The following BZW2 variants were observed in gnomAD, a reference collection of about 807,000 sequenced individuals.
The protein encoded by BZW2 is basic leucine zipper and W2 domains 2.
In BZW2, 23 loss-of-function variants were observed where a neutral mutation model predicts 53.2. That is an observed-to-expected ratio of 0.43 (90% confidence interval 0.31 to 0.61). BZW2 has a LOEUF of 0.61. Ranked by LOEUF, BZW2 falls within the 20% of genes least tolerant of loss-of-function variation. The pLI is 0.09. For synonymous variants in BZW2, 227 were observed against 186.4 expected (o/e 1.22, Z -1.77); for missense variants, 409 against 503.1 (o/e 0.81, Z 1.79).
chr7:16,685,876 CTTTTTT>C (rs34699573), intron 5 of BZW2, 23 bp from the exon 6 acceptor site: 1,302 of 1,291,002 alleles, frequency 1.0e-3, no homozygotes, highest in East Asian at 4.3e-3. Context: ...TTTTCTTTTT[CTTTTTT>C]TTTTTTTTTT....
Position 16,698,054 on chromosome 7 carries a change from G to T in BZW2, c.976G>T (p.Ala326Ser), listed in dbSNP as rs1461127627. ...EQALKHLKQYAPLLAVFSSQG... is the reference protein window; with the variant it reads ...EQALKHLKQYSPLLAVFSSQG... ...CTCTCCACTTCTGTTCTAGCAATAT[G>T]CTCCCCTGCTGGCCGTGTTCAGCTC... is the stretch of plus-strand genomic sequence containing the variant. Residue 326 changes from alanine to serine, a missense_variant, in exon 10 of 12, where the codon GCT (alanine) becomes TCT (serine). Physicochemically the swap from Ala to Ser is moderately conservative, Grantham distance 99. Transcript: ENST00000258761. 1 of 1,614,026 alleles carries T rather than the reference G, an allele frequency of 6.2e-7. No individual in the cohort carries two copies. The highest frequency in any genetic ancestry group is 8.5e-7 in the Non-Finnish European group (1 of 1,179,936).
chr7:16,690,272 G>A (rs549106371), intron 7 of BZW2, among the ~76,000 whole-genome samples: 79 of 151,238 alleles, frequency 5.2e-4, no homozygotes, highest in African/African-American at 1.7e-3. Flanking sequence ...GCACAATCTC[G>A]CTCACTGCAA....
intron 5 of BZW2, among the ~76,000 whole-genome samples, chr7:16,683,742 A>G (rs564000574): frequency 6.6e-6 from 1 of 152,272 alleles, no homozygotes; most frequent in African/African-American, 2.4e-5. Context: ...CTTGTTTCAG[A>G]TTTGTTTGTT....
intron 3 of BZW2, 57 bp from the exon 4 acceptor site, chr7:16,681,244 C>T: frequency 1.5e-6 from 2 of 1,340,272 alleles, no homozygotes; most frequent in East Asian, 2.3e-5. Flanking sequence ...ATGTGTTCTG[C>T]AAATGCTGTT....
intron 2 of BZW2, among the ~76,000 whole-genome samples, chr7:16,673,182 G>A (rs1042964798): frequency 2.8e-4 from 42 of 152,110 alleles, no homozygotes; most frequent in Admixed American, 1.3e-3. Flanking sequence ...TTCTGACCTC[G>A]TGATCCGCCC....
At chr7:16,693,174 C>A (rs1783369823) in intron 7 of BZW2, among the ~76,000 whole-genome samples, 1 of 152,066 alleles carries the variant, frequency 6.6e-6, no homozygotes, top group South Asian at 2.1e-4. Context: ...GACTCAGGAG[C>A]AAGAGCAAAA....
chr7:16,697,361 A>C lies in BZW2; in HGVS notation c.969+300A>C, dbSNP rs35397611. ...CTGCCTTGGCCTCCCAAAGTGTTGG[A>C]TTGCAGGCATGAGCCACCACGCCGG... On this transcript the variant is annotated intron_variant, in intron 9 of 11. Coordinates refer to ENST00000258761, the MANE Select transcript of BZW2 (RefSeq NM_014038.3). Among the ~76,000 whole-genome samples, 6 of 152,210 alleles carry C rather than the reference A, an allele frequency of 3.9e-5. No homozygotes were observed. In the South Asian group the frequency reaches 1.2e-3, roughly 32 times the overall value.
intron 1 of BZW2, chr7:16,661,217 C>T (rs1782250767): frequency 6.6e-6 from 1 of 152,088 alleles, no homozygotes; most frequent in African/African-American, 2.4e-5. Context: ...GATAATTAGA[C>T]AGGAGCAGTC....
At chr7:16,654,521 C>CA (rs1295132794) in intron 1 of BZW2, among the ~76,000 whole-genome samples, 8 of 85,220 alleles carry the variant, frequency 9.4e-5, no homozygotes, top group East Asian at 7.5e-4. Context: ...CCCCCCCCCC[C>CA]AAAAAAAAAC....
chr7:16,701,271 C>CT (rs1423681863), intron 10 of BZW2, among the ~76,000 whole-genome samples: 2 of 152,064 alleles, frequency 1.3e-5, no homozygotes, highest in African/African-American at 4.8e-5. Context: ...ATTTTCTCTT[C>CT]TTTTTTCCCT....
intron 1 of BZW2, among the ~76,000 whole-genome samples, chr7:16,650,597 A>T (rs376995065): frequency 1.2e-3 from 178 of 152,248 alleles, no homozygotes; most frequent in African/African-American, 4.1e-3. Context: ...TGATCTTTAC[A>T]ATTTTTTATT....
intron 7 of BZW2, among the ~76,000 whole-genome samples, chr7:16,690,814 C>G (rs1167368512): frequency 6.6e-6 from 1 of 152,152 alleles, no homozygotes; most frequent in Non-Finnish European, 1.5e-5. Context: ...TATCTGCTCC[C>G]TACAATTTCT....
chr7:16,690,927 T>C (rs1343315709), intron 7 of BZW2, among the ~76,000 whole-genome samples: 3 of 152,234 alleles, frequency 2.0e-5, no homozygotes, highest in Admixed American at 1.3e-4. Context: ...CGCTGCCATC[T>C]CTTCACCTGG....
chr7:16,662,422 G>T (rs1442721197), intron 1 of BZW2, among the ~76,000 whole-genome samples: 1 of 152,116 alleles, frequency 6.6e-6, no homozygotes, highest in African/African-American at 2.4e-5. Flanking sequence ...TGCTTAGAAA[G>T]GAAGTAAGTA....
chr7:16,683,557 A>G (rs745527750), intron 5 of BZW2, among the ~76,000 whole-genome samples: 1 of 152,236 alleles, frequency 6.6e-6, no homozygotes, highest in Non-Finnish European at 1.5e-5. Flanking sequence ...CAGTTTAGCA[A>G]AGGGAATAAA....
chr7:16,696,407 A>G (rs1783489966), intron 8 of BZW2, among the ~76,000 whole-genome samples: 1 of 152,246 alleles, frequency 6.6e-6, no homozygotes, highest in African/African-American at 2.4e-5. Context: ...TGCACTTACA[A>G]TTTATTTACA....
At chr7:16,705,987 G>A in intron 11 of BZW2, 73 bp from the exon 12 acceptor site, 2 of 1,563,674 alleles carry the variant, frequency 1.3e-6, no homozygotes, top group African/African-American at 1.4e-5. Context: ...TTCTGGGTTG[G>A]TGACTGTAGT....
At chr7:16,652,043 CCAA>C (rs1410226578) in intron 1 of BZW2, among the ~76,000 whole-genome samples, 1 of 152,146 alleles carries the variant, frequency 6.6e-6, no homozygotes, top group East Asian at 1.9e-4. Flanking sequence ...GGTTCTGGCC[CCAA>C]CTCTTCCATG....
intron 1 of BZW2, among the ~76,000 whole-genome samples, chr7:16,656,546 C>CGT (rs1029793522): frequency 8.9e-6 from 1 of 112,846 alleles, no homozygotes; most frequent in African/African-American, 3.8e-5. Flanking sequence ...CACTCCCCAG[C>CGT]GCGCGCGCGC....
Sources: allele counts gnomAD v4.1 joint callset (sites outside exome capture counted in the v4.1 genomes callset), GRCh38; gene constraint gnomAD v4.1.1; transcripts MANE v1.5; gene names NCBI Gene and HGNC (gene_info 2026-07-23, HGNC 2026-07-21).